Variants in PCDHA1 observed in about 807,000 individuals in gnomAD.
PCDHA1 encodes the protein protocadherin alpha 1, also known as protocadherin alpha-1.
PCDHA1 carries 42 observed loss-of-function variants against 61.3 expected under a neutral mutation model. The ratio of observed to expected loss-of-function variants is 0.69; its 90% CI spans 0.54 to 0.89. PCDHA1 has a LOEUF of 0.89. Among genes scored for constraint, PCDHA1 ranks in the 40% least tolerant of loss-of-function variants. The pLI is 0.00. For missense variants in PCDHA1, 1,256 were observed against 1,235.3 expected, an observed-to-expected ratio of 1.02 and a Z score of -0.25; for synonymous variants, 610 against 553.8, an observed-to-expected ratio of 1.10 and a Z score of -1.43.
intron 1 of PCDHA1, chr5:140,795,042 G>A (rs1761908314): frequency 1.9e-6 from 3 of 1,613,874 alleles, no homozygotes; most frequent in Non-Finnish European, 2.5e-6. Context: ...CCTGGGAGGT[G>A]GGGAGCGGCC....
intron 1 of PCDHA1, among the ~76,000 whole-genome samples, chr5:140,906,693 G>A (rs887867103): frequency 6.6e-6 from 1 of 152,082 alleles, no homozygotes; most frequent in African/African-American, 2.4e-5. Context: ...GAAGGATCTG[G>A]GCCATTTGTA....
chr5:140,972,080 AAG>A (rs1446545098), intron 1 of PCDHA1, among the ~76,000 whole-genome samples: 8 of 152,208 alleles, frequency 5.3e-5, no homozygotes, highest in African/African-American at 1.9e-4. Flanking sequence ...CTTTTGGAAA[AAG>A]AGTAATTTCT....
intron 1 of PCDHA1, chr5:140,843,194 G>T: frequency 6.3e-7 from 1 of 1,596,036 alleles, no homozygotes; most frequent in East Asian, 2.2e-5. Context: ...GTTCCGCGTG[G>T]GGCTGTACAC....
At chr5:140,975,671 T>C (rs923429904) in intron 1 of PCDHA1, among the ~76,000 whole-genome samples, 2 of 152,248 alleles carry the variant, frequency 1.3e-5, no homozygotes, top group Admixed American at 6.5e-5. Context: ...TGTGAGTTTA[T>C]TAATAAAATA....
chr5:140,871,301 C>T lies in PCDHA1; in HGVS notation c.2394+82617C>T, dbSNP rs781904724. 1.9e-6 allele frequency: 3 copies of T among 1,613,800 alleles called. No individual in the cohort carries two copies. In the African/African-American group the frequency reaches 4.0e-5, roughly 22 times the overall value. ...ACGCCCACTGAGGGCGCGTGCGCGC[C>T]GGGGAAGCCCACGCTGGTGTGCTCC... is the stretch of plus-strand genomic sequence containing the variant. On this transcript the variant is annotated intron_variant, in intron 1 of 3. Coordinates refer to ENST00000504120, the MANE Select transcript of PCDHA1 (RefSeq NM_018900.4).
chr5:140,851,837 A>G (rs2042175202), intron 1 of PCDHA1: 1 of 970,268 alleles, frequency 1.0e-6, no homozygotes, highest in Non-Finnish European at 1.2e-6. Context: ...TTTTAAAAAT[A>G]TCTTTTTCTC....
intron 1 of PCDHA1, chr5:140,835,267 T>A (rs2150232922): frequency 8.1e-5 from 130 of 1,609,952 alleles, no homozygotes; most frequent in Non-Finnish European, 1.1e-4. Flanking sequence ...AAGTTCCACA[T>A]GGACCCCTTA....
chr5:140,876,154 A>G, intron 1 of PCDHA1: 1 of 1,613,972 alleles, frequency 6.2e-7, no homozygotes, highest in Non-Finnish European at 8.5e-7. Context: ...GTCTGTCCAG[A>G]TTCAAATAAC....
At chr5:140,906,218 A>G (rs2072464720) in intron 1 of PCDHA1, among the ~76,000 whole-genome samples, 1 of 152,176 alleles carries the variant, frequency 6.6e-6, no homozygotes, top group African/African-American at 2.4e-5. Flanking sequence ...ATTAACCATC[A>G]CAAGTCCTCC....
intron 1 of PCDHA1, chr5:140,834,446 A>G (rs1220656854): frequency 1.2e-5 from 19 of 1,598,524 alleles, no homozygotes; most frequent in Non-Finnish European, 1.6e-5. Context: ...TTATAATTCT[A>G]GCAGCTTGGG....
chr5:140,927,401 G>A lies in PCDHA1; in HGVS notation c.2395-51548G>A, dbSNP rs782140870. On this transcript the variant is annotated intron_variant, in intron 1 of 3. Transcript: ENST00000504120. ...AGCCTAAGCCCCAGTCAGCACTTTCGCCTGGACATGGGATCGCGGGTTGAC... is the reference window on the plus strand; with the variant it reads ...AGCCTAAGCCCCAGTCAGCACTTTCACCTGGACATGGGATCGCGGGTTGAC... The A allele has an allele frequency of 1.9e-6, 3 of 1,614,192 alleles. No homozygotes were observed. Among genetic ancestry groups the A allele is most frequent in the Non-Finnish European group, 2.5e-6 (3 of 1,180,036 alleles).
At chr5:140,985,616 G>C in intron 3 of PCDHA1, among the ~76,000 whole-genome samples, 1 of 152,104 alleles carries the variant, frequency 6.6e-6, no homozygotes, top group African/African-American at 2.4e-5. Flanking sequence ...CCGTGAACCA[G>C]CTGTGTATTG....
chr5:140,969,631 G>C (rs1554231956), intron 1 of PCDHA1: 1 of 227,796 alleles, frequency 4.4e-6, no homozygotes, highest in Non-Finnish European at 7.3e-6. Flanking sequence ...AAACAGGACA[G>C]GCCTTGGAAT....
intron 1 of PCDHA1, among the ~76,000 whole-genome samples, chr5:140,826,932 G>A (rs145132526): frequency 7.3e-4 from 111 of 152,266 alleles, no homozygotes; most frequent in African/African-American, 2.6e-3. Context: ...ATGGACTTAG[G>A]TGGATGTGGA....
At position 140,786,826 on chromosome 5, in the gene PCDHA1, C is replaced by CT; in HGVS notation, c.539dup (p.Leu180PhefsTer7). 6.2e-7 allele frequency: 1 copy of CT among 1,614,170 alleles called. No individual in the cohort carries two copies. The highest frequency in any genetic ancestry group is 8.5e-7 in the Non-Finnish European group (1 of 1,180,016). On this transcript the variant is annotated frameshift_variant, in exon 1 of 4. Coordinates refer to ENST00000504120, the MANE Select transcript of PCDHA1 (RefSeq NM_018900.4). LOFTEE classifies it high-confidence loss of function. ...ACGCTCAGCCCGAGTGATTATTTCT[C>CT]TTTGGATGTAGAGGCAAGTGATGAA...
chr5:140,835,739 C>A (rs185499663), intron 1 of PCDHA1: 15 of 1,613,474 alleles, frequency 9.3e-6, no homozygotes, highest in Non-Finnish European at 1.3e-5. Flanking sequence ...ACGACAACGC[C>A]CCGGCGTTCG....
intron 1 of PCDHA1, among the ~76,000 whole-genome samples, chr5:140,937,724 AAC>A (rs2091708035): frequency 6.6e-6 from 1 of 152,064 alleles, no homozygotes; most frequent in Non-Finnish European, 1.5e-5. Flanking sequence ...CATCCTGGCT[AAC>A]ACGGTGAAAC....
intron 1 of PCDHA1, chr5:140,828,262 G>C (rs2150153262): frequency 6.2e-7 from 1 of 1,614,018 alleles, no homozygotes; most frequent in South Asian, 1.1e-5. Context: ...TGGAGCTGGC[G>C]GAGCTGGTGC....
At chr5:140,853,620 T>C (rs2042810253) in intron 1 of PCDHA1, 2 of 988,130 alleles carry the variant, frequency 2.0e-6, no homozygotes, top group African/African-American at 1.8e-5. Context: ...TGTAAATAAG[T>C]ATACAAGATC....
Sources: allele counts gnomAD v4.1 joint callset (sites outside exome capture counted in the v4.1 genomes callset), GRCh38; gene constraint gnomAD v4.1.1; transcripts MANE v1.5; gene names NCBI Gene and HGNC (gene_info 2026-07-23, HGNC 2026-07-21).